Variants in GRIN2A observed in about 807,000 individuals in gnomAD.
GRIN2A encodes glutamate ionotropic receptor NMDA type subunit 2A.
A neutral mutation model predicts 113.4 loss-of-function variants in GRIN2A; 22 were observed. The ratio of observed to expected loss-of-function variants is 0.19; its 90% confidence interval spans 0.14 to 0.28. GRIN2A has a LOEUF of 0.28. Ranked by LOEUF, GRIN2A falls within the 10% of genes least tolerant of loss-of-function variation. The pLI is 1.00. For missense variants in GRIN2A, 1,502 were observed against 1,887.0 expected (o/e 0.80, Z 3.78); for synonymous variants, 827 against 738.4 (o/e 1.12, Z -1.94).
chr16:9,962,351 G>A (rs577549599), intron 2 of GRIN2A, among the ~76,000 whole-genome samples: 1,870 of 151,958 alleles, frequency 0.012, 40 homozygotes, highest in African/African-American at 0.042. Flanking sequence ...GAAAATTTTC[G>A]CAACCTACTC....
At chr16:10,084,793 G>T (rs1159260817) in intron 2 of GRIN2A, among the ~76,000 whole-genome samples, 1 of 116,864 alleles carries the variant, frequency 8.6e-6, no homozygotes, top group Admixed American at 8.6e-5. Flanking sequence ...CCTCTGAAAT[G>T]CAAGCTCCGT....
At chr16:9,815,505 G>A (rs1380966413) in intron 10 of GRIN2A, among the ~76,000 whole-genome samples, 1 of 150,742 alleles carries the variant, frequency 6.6e-6, no homozygotes, top group African/African-American at 2.4e-5. Flanking sequence ...AAATACAATT[G>A]CCCAATAAGC....
At position 9,937,977 on chromosome 16, in the gene GRIN2A, G is replaced by A. The variant is rs367543120; in HGVS notation, c.989C>T (p.Pro330Leu). Residue 330 changes from proline (P) to leucine (L), a missense_variant, in exon 3 of 13, where the codon CCG becomes CTG. This residue lies in a region of GRIN2A where 334 missense variants were observed against 403.0 expected (regional missense o/e 0.83). Transcript: ENST00000330684. ...CYGQMERPEV[P>L]MHTLHPFMVN... ...TTCTTACGGGTGCAAGGTGTGCATCGGGACCTCTGGCCTCTCCATCTGCCC... is the reference window on the plus strand; with the variant it reads ...TTCTTACGGGTGCAAGGTGTGCATCAGGACCTCTGGCCTCTCCATCTGCCC... 1.4e-5 allele frequency: 23 copies of A among 1,613,366 alleles called. No homozygotes were observed. Among genetic ancestry groups the A allele is most frequent in the Admixed American group, 8.3e-5 (5 of 59,998 alleles).
intron 2 of GRIN2A, among the ~76,000 whole-genome samples, chr16:9,958,059 C>T (rs561159348): frequency 5.9e-5 from 9 of 152,314 alleles, no homozygotes; most frequent in Admixed American, 2.0e-4. Context: ...CTGCTATCTC[C>T]AAGCTGGGTG....
intron 11 of GRIN2A, among the ~76,000 whole-genome samples, chr16:9,791,162 G>A (rs561432034): frequency 6.6e-6 from 1 of 152,280 alleles, no homozygotes; most frequent in South Asian, 2.1e-4. Context: ...TTTGCTAAAT[G>A]CCACAAGTGT....
At chr16:9,777,871 C>A (rs1329937274) in intron 11 of GRIN2A, among the ~76,000 whole-genome samples, 1 of 152,190 alleles carries the variant, frequency 6.6e-6, no homozygotes, top group Non-Finnish European at 1.5e-5. Flanking sequence ...TGAGACCGGC[C>A]TGGCCAACAT....
chr16:9,788,639 T>C (rs1902393633), intron 11 of GRIN2A, among the ~76,000 whole-genome samples: 1 of 151,794 alleles, frequency 6.6e-6, no homozygotes, highest in African/African-American at 2.4e-5. Flanking sequence ...TATATCTCTA[T>C]CCCTTTTTCC....
At chr16:9,911,304 T>C (rs780340404) in intron 3 of GRIN2A, among the ~76,000 whole-genome samples, 3 of 152,106 alleles carry the variant, frequency 2.0e-5, no homozygotes, top group Non-Finnish European at 2.9e-5. Context: ...TTGGGTAACA[T>C]AGAGAGATGC....
intron 2 of GRIN2A, among the ~76,000 whole-genome samples, chr16:10,072,557 A>G (rs1310299102): frequency 2.0e-5 from 3 of 152,132 alleles, no homozygotes; most frequent in Non-Finnish European, 4.4e-5. Flanking sequence ...CTAGGTGATT[A>G]TAGTATGCAG....
intron 2 of GRIN2A, among the ~76,000 whole-genome samples, chr16:10,098,643 T>G (rs2048338911): frequency 6.6e-6 from 1 of 152,208 alleles, no homozygotes; most frequent in Non-Finnish European, 1.5e-5. Flanking sequence ...AGGAATGAAT[T>G]AATGGCATCT....
intron 5 of GRIN2A, among the ~76,000 whole-genome samples, chr16:9,841,953 C>A (rs1184642819): frequency 1.3e-5 from 2 of 152,112 alleles, no homozygotes; most frequent in Non-Finnish European, 2.9e-5. Flanking sequence ...CAGAAAAATA[C>A]CTTTAAAAAG....
chr16:9,769,700 G>A (rs1385000587), intron 11 of GRIN2A, among the ~76,000 whole-genome samples: 1 of 152,108 alleles, frequency 6.6e-6, no homozygotes, highest in African/African-American at 2.4e-5. Context: ...CATGAGGATT[G>A]AATGAGATGA....
Position 9,757,416 on chromosome 16 carries a change from G to A in GRIN2A, c.*5733C>T, listed in dbSNP as rs574207711. On this transcript the variant is annotated 3_prime_UTR_variant, in exon 13 of 13. Coordinates refer to ENST00000330684, the MANE Select transcript of GRIN2A (RefSeq NM_001134407.3). ...AGAATCAGATTATTTTTTTTTTCCT[G>A]GCTACAACTTTAGTTGTCATTTCTA... 723 of 223,804 alleles carry A rather than the reference G, an allele frequency of 3.2e-3. 4 individuals are homozygous for A. Among genetic ancestry groups the A allele is most frequent in the African/African-American group, 0.015 (671 of 43,394 alleles). The allele number at this position is 223,804 out of a possible 1,614,324, so 13.9% of individuals were successfully genotyped here.
intron 4 of GRIN2A, among the ~76,000 whole-genome samples, chr16:9,855,568 A>C (rs114018296): frequency 0.012 from 1,767 of 152,266 alleles, 29 homozygotes; most frequent in African/African-American, 0.04. Flanking sequence ...TTTGAATCAG[A>C]TAATCTCTAA....
At chr16:10,149,405 G>C (rs1016268624) in intron 2 of GRIN2A, among the ~76,000 whole-genome samples, 2 of 152,118 alleles carry the variant, frequency 1.3e-5, no homozygotes, top group African/African-American at 4.8e-5. Flanking sequence ...AGAAATCTAG[G>C]ACTTTGCCCA....
intron 2 of GRIN2A, among the ~76,000 whole-genome samples, chr16:10,020,874 G>A (rs1056692344): frequency 1.3e-5 from 2 of 152,128 alleles, no homozygotes; most frequent in Admixed American, 6.5e-5. Flanking sequence ...CCAACATAAA[G>A]AGCCACAGGA....
At chr16:10,043,953 G>GTA (rs1231427998) in intron 2 of GRIN2A, among the ~76,000 whole-genome samples, 4 of 127,444 alleles carry the variant, frequency 3.1e-5, no homozygotes, top group South Asian at 2.8e-4. Context: ...ACATATATAT[G>GTA]TATATATATA....
At position 9,760,101 on chromosome 16, in the gene GRIN2A, T is replaced by C. The variant is rs1480062824; in HGVS notation, c.*3048A>G. The stretch of plus-strand genomic sequence containing the variant: ...AGCTCTGACTTAAGCCAGCTGAAAC[T>C]CAGGCATTTGTGTTCAGAAATTTGG... On this transcript the variant is annotated 3_prime_UTR_variant, in exon 13 of 13. Coordinates refer to ENST00000330684, the MANE Select transcript of GRIN2A (RefSeq NM_001134407.3). The C allele has an allele frequency of 4.4e-6, 1 of 225,912 alleles. No homozygotes were observed. The highest frequency in any genetic ancestry group is 8.8e-6 in the Non-Finnish European group (1 of 113,552). The allele number at this position is 225,912 out of a possible 1,614,324, so 14.0% of individuals were successfully genotyped here.
At chr16:9,922,906 A>G (rs1404014170) in intron 3 of GRIN2A, among the ~76,000 whole-genome samples, 1 of 152,184 alleles carries the variant, frequency 6.6e-6, no homozygotes, top group Non-Finnish European at 1.5e-5. Flanking sequence ...TATGGCCTAG[A>G]ATATGATATA....
Sources: gnomAD v4.1 joint callset for allele counts (sites outside exome capture counted in the v4.1 genomes callset) on GRCh38, gnomAD v4.1.1 for gene constraint, gnomAD v4.1.1 regional missense constraint, MANE v1.5 for transcripts, NCBI Gene and HGNC (gene_info 2026-07-23, HGNC 2026-07-21) for gene names.